Variants in PRKN observed in about 807,000 individuals in gnomAD.
PRKN encodes the protein E3 ubiquitin-protein ligase parkin.
In PRKN, 56 loss-of-function variants were observed where a neutral mutation model predicts 59.5. That is an observed-to-expected ratio of 0.94 (90% CI 0.76 to 1.18). The LOEUF is 1.18. Ranked by LOEUF, PRKN falls within the 50% of genes most tolerant of loss-of-function variation. The pLI, the probability that PRKN is intolerant of heterozygous loss-of-function variation, is 0.00. For synonymous variants in PRKN, 250 were observed against 222.1 expected (o/e 1.13, Z -1.12); for missense variants, 657 against 596.4 (o/e 1.10, Z -1.06).
rs78432331 is a variant in PRKN at position 161,460,327 on chromosome 6, T to C, written c.1084-73450A>G. ...AAGATCTTGAAAAGTGGGTTAGATA[T>C]TGCTTGGGAATAATGGGCAAAGGAG... On this transcript the variant is annotated intron_variant, in intron 9 of 11. Transcript: ENST00000366898. This position sits in a 1 kb window ranked among gnomAD's most constrained non-coding sequence, Gnocchi z 5.0. Among the ~76,000 whole-genome samples, 4,808 of 152,226 alleles carry C rather than the reference T, an allele frequency of 0.032. 262 individuals are homozygous for C. The highest frequency in any genetic ancestry group is 0.11 in the African/African-American group (4,493 of 41,518).
At chr6:161,557,382 G>A (rs1780276641) in intron 8 of PRKN, among the ~76,000 whole-genome samples, 1 of 152,216 alleles carries the variant, frequency 6.6e-6, no homozygotes, top group Admixed American at 6.5e-5. Context: ...CTGTTAGTCT[G>A]CAGGTTAGGA....
intron 6 of PRKN, among the ~76,000 whole-genome samples, chr6:161,876,300 T>A (rs895429241): frequency 2.0e-5 from 3 of 152,158 alleles, no homozygotes; most frequent in South Asian, 2.1e-4. Flanking sequence ...ATGCCAATAA[T>A]TTTTTACTCA....
At chr6:161,850,512 G>T (rs1335375629) in intron 6 of PRKN, among the ~76,000 whole-genome samples, 2 of 138,754 alleles carry the variant, frequency 1.4e-5, no homozygotes, top group Non-Finnish European at 3.0e-5. Flanking sequence ...GGAGGCAGAG[G>T]TTGCAGTGAG....
intron 5 of PRKN, among the ~76,000 whole-genome samples, chr6:161,994,632 T>A (rs1385763535): frequency 6.6e-6 from 1 of 150,572 alleles, no homozygotes. Flanking sequence ...GGACACAAAA[T>A]CAACATGCAA....
At chr6:161,707,391 C>A (rs954985509) in intron 7 of PRKN, among the ~76,000 whole-genome samples, 1 of 152,160 alleles carries the variant, frequency 6.6e-6, no homozygotes, top group Admixed American at 6.5e-5. Flanking sequence ...CAATAGTCAT[C>A]AAATGAGTGG....
chr6:162,423,010 C>A (rs935390880), intron 2 of PRKN, among the ~76,000 whole-genome samples: 8 of 143,420 alleles, frequency 5.6e-5, no homozygotes, highest in South Asian at 2.3e-4. Context: ...AATGATTATT[C>A]TTCTAGTCGC....
chr6:162,363,632 G>C (rs1312331756), intron 2 of PRKN, among the ~76,000 whole-genome samples: 2 of 151,796 alleles, frequency 1.3e-5, no homozygotes, highest in Non-Finnish European at 2.9e-5. Flanking sequence ...TTACTATTAT[G>C]CCTTCAGTTA....
At chr6:162,579,859 A>C (rs1156605409) in intron 1 of PRKN, among the ~76,000 whole-genome samples, 2 of 152,188 alleles carry the variant, frequency 1.3e-5, no homozygotes, top group African/African-American at 2.4e-5. Context: ...CTTCTCTAGC[A>C]GACTCAGCTT....
intron 9 of PRKN, among the ~76,000 whole-genome samples, chr6:161,422,754 A>G (rs2115031269): frequency 6.6e-6 from 1 of 152,302 alleles, no homozygotes; most frequent in Non-Finnish European, 1.5e-5. Flanking sequence ...GGAGCAAGGA[A>G]GGAAGAGAGA....
chr6:162,232,970 A>G (rs1438019079), intron 3 of PRKN, among the ~76,000 whole-genome samples: 1 of 152,222 alleles, frequency 6.6e-6, no homozygotes, highest in African/African-American at 2.4e-5. Flanking sequence ...GTAAAAGAGG[A>G]AATACACACC....
chr6:162,360,772 C>T (rs932350523), intron 2 of PRKN, among the ~76,000 whole-genome samples: 22 of 152,110 alleles, frequency 1.4e-4, no homozygotes, highest in African/African-American at 4.8e-4. Context: ...TGGCACACCA[C>T]GGGCCAGTGC....
At position 161,484,886 on chromosome 6, in the gene PRKN, C is replaced by T. The variant is rs1018965861; in HGVS notation, c.1083+63968G>A. On this transcript the variant is annotated intron_variant, in intron 9 of 11. Transcript: ENST00000366898. The surrounding 1 kb of genome is among the most constrained non-coding windows in gnomAD (Gnocchi z 4.9). ...CACCTGCCTCTCAAAGGTGTCTGCT[C>T]CTAACCACCTGCCCCTCAAAGGTGT... is the stretch of plus-strand genomic sequence containing the variant. Among the ~76,000 whole-genome samples, 2 of 152,148 alleles carry T rather than the reference C, an allele frequency of 1.3e-5. No homozygotes were observed. Among genetic ancestry groups the T allele is most frequent in the Non-Finnish European group, 2.9e-5 (2 of 68,028 alleles).
intron 7 of PRKN, among the ~76,000 whole-genome samples, chr6:161,758,074 C>G (rs1324860319): frequency 1.3e-5 from 2 of 150,708 alleles, no homozygotes; most frequent in East Asian, 3.9e-4. Flanking sequence ...ATTGATGATA[C>G]CAAGTGTTGA....
intron 1 of PRKN, among the ~76,000 whole-genome samples, chr6:162,551,877 A>C (rs1379497306): frequency 6.6e-6 from 1 of 152,210 alleles, no homozygotes; most frequent in Non-Finnish European, 1.5e-5. Context: ...TCAGTGTGTG[A>C]TGATGAGACT....
intron 10 of PRKN, among the ~76,000 whole-genome samples, chr6:161,381,763 T>G (rs1337720489): frequency 6.6e-6 from 1 of 152,150 alleles, no homozygotes; most frequent in African/African-American, 2.4e-5. Flanking sequence ...ACCTACTCTG[T>G]GCCAGGCACT....
chr6:161,883,852 T>C (rs1242880573), intron 6 of PRKN, among the ~76,000 whole-genome samples: 3 of 151,878 alleles, frequency 2.0e-5, no homozygotes, highest in Admixed American at 6.6e-5. Context: ...GGGGTTTCAC[T>C]ATGTCGGCCA....
intron 4 of PRKN, among the ~76,000 whole-genome samples, chr6:162,162,276 C>T (rs961107651): frequency 3.3e-5 from 5 of 152,106 alleles, no homozygotes; most frequent in Admixed American, 6.6e-5. Flanking sequence ...CCTTACATAG[C>T]ATTTAAATTG....
chr6:162,723,635 A>AC (rs1437857828), intron 1 of PRKN, among the ~76,000 whole-genome samples: 1 of 152,230 alleles, frequency 6.6e-6, no homozygotes, highest in Non-Finnish European at 1.5e-5. Context: ...TGGGCAACTT[A>AC]TTTTGGAAAA....
At chr6:161,832,623 C>CAA (rs529969845) in intron 6 of PRKN, among the ~76,000 whole-genome samples, 16 of 75,118 alleles carry the variant, frequency 2.1e-4, no homozygotes, top group East Asian at 4.5e-4. Flanking sequence ...GATTCCATCT[C>CAA]AAAAAAAAAA....
Sources: allele counts gnomAD v4.1 joint callset (sites outside exome capture counted in the v4.1 genomes callset), GRCh38; gene constraint gnomAD v4.1.1; non-coding constraint Gnocchi (gnomAD v3.1); transcripts MANE v1.5; gene names NCBI Gene and HGNC (gene_info 2026-07-23, HGNC 2026-07-21).